FOXP1: variants seen among roughly 807,000 people sequenced by gnomAD.
The protein encoded by FOXP1 is forkhead box P1, also known as forkhead box protein P1.
FOXP1 carries 15 observed loss-of-function variants against 98.2 expected under a neutral mutation model. The observed-to-expected ratio is 0.15, with a 90% CI of 0.10 to 0.24. The LOEUF (loss-of-function observed/expected upper bound fraction) is 0.24, where lower values mean the gene tolerates loss of function less well. FOXP1 is among the 10% of genes least tolerant of loss of function. The probability of loss-of-function intolerance (pLI) is 1.00; values close to 1 mark genes in which losing one functional copy is unlikely to be tolerated. For missense variants in FOXP1, 633 were observed against 848.5 expected, an observed-to-expected ratio of 0.75 and a Z score of 3.15; for synonymous variants, 371 against 314.5, an observed-to-expected ratio of 1.18 and a Z score of -1.90.
At chr3:70,979,300 A>AAAAAAAAAAAAAG (rs2038309246) in intron 14 of FOXP1, among the ~76,000 whole-genome samples, 1 of 115,032 alleles carries the variant, frequency 8.7e-6, no homozygotes, top group Non-Finnish European at 2.0e-5. Context: ...AAAAAAAAAA[A>AAAAAAAAAAAAAG]AAAAAAAAAA....
At chr3:71,049,906 A>AATG (rs2049612818) in intron 9 of FOXP1, among the ~76,000 whole-genome samples, 1 of 152,140 alleles carries the variant, frequency 6.6e-6, no homozygotes, top group Non-Finnish European at 1.5e-5. Context: ...GGTCTCAGAC[A>AATG]AATCCACTGG....
At chr3:71,532,308 G>A (rs1287308704) in intron 2 of FOXP1, among the ~76,000 whole-genome samples, 1 of 152,108 alleles carries the variant, frequency 6.6e-6, no homozygotes, top group East Asian at 1.9e-4. Flanking sequence ...TATTGCCCAG[G>A]CTGGTCTCCA....
intron 20 of FOXP1, among the ~76,000 whole-genome samples, chr3:70,962,689 C>T (rs1464461274): frequency 6.6e-6 from 1 of 152,100 alleles, no homozygotes; most frequent in East Asian, 1.9e-4. Context: ...TCAACATTTT[C>T]CTACTTTCTT....
chr3:71,312,996 TAATAA>T (rs1277174410), intron 4 of FOXP1, among the ~76,000 whole-genome samples: 1 of 148,536 alleles, frequency 6.7e-6, no homozygotes, highest in Non-Finnish European at 1.5e-5. Context: ...GTCTCAAAAA[TAATAA>T]AATAAAATAA....
At chr3:71,086,493 GATA>G (rs2055111076) in intron 7 of FOXP1, among the ~76,000 whole-genome samples, 1 of 152,146 alleles carries the variant, frequency 6.6e-6, no homozygotes, top group Admixed American at 6.5e-5. Context: ...TAAATGTCAT[GATA>G]ATTTTATTCT....
intron 6 of FOXP1, among the ~76,000 whole-genome samples, chr3:71,145,619 C>T (rs1003139168): frequency 6.6e-6 from 1 of 152,218 alleles, no homozygotes; most frequent in African/African-American, 2.4e-5. Flanking sequence ...TATATTCCCA[C>T]CGGCAATGCA....
chr3:71,393,087 A>C (rs2081145315), intron 3 of FOXP1, among the ~76,000 whole-genome samples: 2 of 152,296 alleles, frequency 1.3e-5, no homozygotes, highest in African/African-American at 4.8e-5. Flanking sequence ...ATAAAAATGT[A>C]GGTATAAGCA....
intron 2 of FOXP1, chr3:71,571,936 A>G (rs953196831): frequency 2.6e-5 from 4 of 152,212 alleles, no homozygotes; most frequent in Admixed American, 6.5e-5. Context: ...TTTTAAAAAC[A>G]TGTTCCGATT....
At chr3:71,436,167 G>A (rs1418433450) in intron 3 of FOXP1, among the ~76,000 whole-genome samples, 4 of 151,772 alleles carry the variant, frequency 2.6e-5, no homozygotes, top group East Asian at 1.9e-4. Context: ...TTCCTGGTAT[G>A]GGCTCTTCAG....
intron 5 of FOXP1, among the ~76,000 whole-genome samples, chr3:71,236,410 G>A (rs1560163700): frequency 6.6e-6 from 1 of 152,076 alleles, no homozygotes; most frequent in African/African-American, 2.4e-5. Flanking sequence ...TTGACTTTTT[G>A]GATAAATCTT....
At chr3:71,085,735 C>CTTTTTTTTTTTTTTTTTTTTTTTTTTT (rs56318177) in intron 7 of FOXP1, among the ~76,000 whole-genome samples, 1,743 of 37,004 alleles carry the variant, frequency 0.047, 801 homozygotes, top group Non-Finnish European at 0.054. Flanking sequence ...CATTTATGGC[C>CTTTTTTTTTTTTTTTTTTTTTTTTTTT]TTTTTTTTTT....
intron 3 of FOXP1, among the ~76,000 whole-genome samples, chr3:71,385,253 C>T (rs757462376): frequency 3.9e-5 from 6 of 152,178 alleles, no homozygotes; most frequent in African/African-American, 1.2e-4. Flanking sequence ...CACTGTCAGC[C>T]CTTATTTCAC....
rs2063274787 is a variant in FOXP1, at chr3:71,195,947, C to G, written c.180+2255G>C. ...AAATATTTTCAGGCCTGTAGTTTTT[C>G]TTATTTCATCTACAGATTTCCCTTT... On this transcript the variant is annotated intron_variant, in intron 6 of 20. Transcript: ENST00000649528. Among the ~76,000 whole-genome samples, 3 of 152,164 alleles carry G rather than the reference C, an allele frequency of 2.0e-5. No homozygotes were observed. In the South Asian group the frequency reaches 6.2e-4, roughly 32 times the overall value.
intron 2 of FOXP1, among the ~76,000 whole-genome samples, chr3:71,524,228 G>A (rs1178654595): frequency 1.3e-5 from 2 of 152,120 alleles, no homozygotes; most frequent in African/African-American, 2.4e-5. Flanking sequence ...GCCGGGCATG[G>A]TGGTGTACGC....
chr3:71,394,545 A>T (rs980473008), intron 3 of FOXP1, among the ~76,000 whole-genome samples: 1 of 152,338 alleles, frequency 6.6e-6, no homozygotes, highest in East Asian at 1.9e-4. Context: ...GCATTTTTAT[A>T]GTTTTAAAAA....
At chr3:71,255,073 A>G (rs1165616778) in intron 5 of FOXP1, among the ~76,000 whole-genome samples, 1 of 151,952 alleles carries the variant, frequency 6.6e-6, no homozygotes, top group African/African-American at 2.4e-5. Context: ...AAGAAACTAC[A>G]CCCTTTTTCC....
intron 3 of FOXP1, among the ~76,000 whole-genome samples, chr3:71,465,437 T>C (rs1290762645): frequency 6.6e-6 from 1 of 152,074 alleles, no homozygotes; most frequent in Non-Finnish European, 1.5e-5. Flanking sequence ...ATGGGAAAAC[T>C]GAGGCACTGG....
chr3:71,314,087 T>C (rs564080900), intron 4 of FOXP1, among the ~76,000 whole-genome samples: 12 of 152,214 alleles, frequency 7.9e-5, no homozygotes, highest in East Asian at 1.9e-4. Flanking sequence ...AATAAATGCA[T>C]TGACATGTCA....
chr3:70,963,395 A>G (rs1420585797), intron 20 of FOXP1, among the ~76,000 whole-genome samples: 1 of 152,234 alleles, frequency 6.6e-6, no homozygotes, highest in Non-Finnish European at 1.5e-5. Context: ...AGCACTTCAA[A>G]GAACAAAAGA....
Sources: allele counts gnomAD v4.1 joint callset (sites outside exome capture counted in the v4.1 genomes callset), GRCh38; gene constraint gnomAD v4.1.1; transcripts MANE v1.5; gene names NCBI Gene and HGNC (gene_info 2026-07-23, HGNC 2026-07-21).